MYRFL: variants seen among roughly 807,000 people sequenced by gnomAD.
MYRFL encodes the protein myelin regulatory factor-like protein.
Under a neutral mutation model 109.4 loss-of-function variants are expected in MYRFL, and 88 were observed. The observed-to-expected ratio is 0.80, with a 90% CI of 0.68 to 0.96. The LOEUF (loss-of-function observed/expected upper bound fraction) is 0.96. Ranked by LOEUF, MYRFL falls within the 40% of genes least tolerant of loss-of-function variation. MYRFL has a pLI of 0.00. For missense variants in MYRFL, 957 were observed against 954.9 expected, an observed-to-expected ratio of 1.00 and a Z score of -0.03; for synonymous variants, 324 against 320.9, an observed-to-expected ratio of 1.01 and a Z score of -0.10.
At chr12:69,929,933 A>T (rs1955217839) in intron 15 of MYRFL, among the ~76,000 whole-genome samples, 1 of 152,248 alleles carries the variant, frequency 6.6e-6, no homozygotes, top group South Asian at 2.1e-4. Flanking sequence ...GCACATAGAA[A>T]GTGCTGCATA....
Position 69,903,844 on chromosome 12 carries a change from G to A in MYRFL, c.1383G>A (p.Glu461=), listed in dbSNP as rs774550227. The change falls in exon 11 of 25, where the codon GAG becomes GAA. Residue 461 remains glutamate, a splice_region_variant and synonymous_variant. Transcript: ENST00000552032. The part of the protein sequence containing the change: ...SDSRAKQNIQ[E]VDTNEQLKRI... ...GCCGGGCAAAGCAGAATATCCAGGA[G>A]GTGAGCACAGATTCAGGCCCTGGGC... 7.1e-5 allele frequency: 108 copies of A among 1,524,636 alleles called. No individual in the cohort carries two copies. In the East Asian group the frequency reaches 2.6e-3, roughly 37 times the overall value. The allele number at this position is 1,524,636 out of a possible 1,614,324, so 94.4% of individuals were successfully genotyped here. A position where few individuals can be genotyped will look rare whatever the true frequency, so the allele number is the denominator to read the frequency against.
intron 5 of MYRFL, among the ~76,000 whole-genome samples, 183 bp from the exon 6 acceptor site, chr12:69,886,637 C>A (rs1270498366): frequency 6.6e-6 from 1 of 152,026 alleles, no homozygotes; most frequent in Non-Finnish European, 1.5e-5. Context: ...CAACGCTGAC[C>A]CCAGGCTGCT....
intron 2 of MYRFL, 104 bp downstream of exon 2, chr12:69,855,474 G>T: frequency 1.6e-6 from 1 of 607,098 alleles, no homozygotes; most frequent in Non-Finnish European, 3.0e-6. Flanking sequence ...AAAATAACTT[G>T]GGTAGAGTTG....
At chr12:69,892,073 A>G (rs1467576444) in intron 7 of MYRFL, among the ~76,000 whole-genome samples, 1 of 152,186 alleles carries the variant, frequency 6.6e-6, no homozygotes, top group Non-Finnish European at 1.5e-5. Context: ...CAATTCTTTT[A>G]CTAAATGTAT....
intron 11 of MYRFL, among the ~76,000 whole-genome samples, chr12:69,907,690 A>C (rs1490964223): frequency 6.6e-6 from 1 of 152,182 alleles, no homozygotes; most frequent in Non-Finnish European, 1.5e-5. Context: ...TTTTCCATCA[A>C]AAATTTTAGG....
intron 1 of MYRFL, among the ~76,000 whole-genome samples, chr12:69,832,537 A>G (rs1882692999): frequency 6.6e-6 from 1 of 152,176 alleles, no homozygotes; most frequent in Non-Finnish European, 1.5e-5. Flanking sequence ...TACTTGAGCT[A>G]AGACAATCAG....
At chr12:69,856,056 T>G (rs1178391633) in intron 2 of MYRFL, among the ~76,000 whole-genome samples, 2 of 152,136 alleles carry the variant, frequency 1.3e-5, no homozygotes, top group East Asian at 1.9e-4. Context: ...ACTGAAAAAT[T>G]TCCCTATGCC....
chr12:69,926,860 G>A (rs1010118068), intron 14 of MYRFL, 126 bp downstream of exon 14: 10 of 825,064 alleles, frequency 1.2e-5, no homozygotes, highest in African/African-American at 1.8e-5. Context: ...AATGAAGTCT[G>A]CATTTTTCTT....
chr12:69,929,996 G>T (rs1021762780), intron 15 of MYRFL, among the ~76,000 whole-genome samples: 8 of 152,214 alleles, frequency 5.3e-5, no homozygotes, highest in Admixed American at 2.6e-4. Context: ...TCTCATTTCA[G>T]ACTTGTCCAG....
chr12:69,917,383 C>CT lies in MYRFL; in HGVS notation c.1602+6476dup, dbSNP rs56118035. On this transcript the variant is annotated intron_variant, in intron 13 of 24. Coordinates refer to ENST00000552032, the MANE Select transcript of MYRFL (RefSeq NM_182530.3). ...TGAAATCATCTTGTTTATTCACTGA[C>CT]TTTTTTTTTTTTTTTTTTTTTTTGC... Among the ~76,000 whole-genome samples, 1,018 of 102,474 alleles carry CT rather than the reference C, an allele frequency of 9.9e-3. 41 individuals carry two copies. The highest frequency in any genetic ancestry group is 0.025 in the African/African-American group (682 of 26,766). 67.2% of individuals were successfully genotyped at this position (102,474 alleles called of 152,430 possible).
chr12:69,912,338 C>T (rs1240277), intron 13 of MYRFL, among the ~76,000 whole-genome samples: 57,520 of 152,054 alleles, frequency 0.38, 12,035 homozygotes, highest in East Asian at 0.71. Flanking sequence ...TTATCTTAAC[C>T]ATTTTTAAGC....
At chr12:69,925,809 T>G (rs1955057004) in intron 13 of MYRFL, among the ~76,000 whole-genome samples, 1 of 152,180 alleles carries the variant, frequency 6.6e-6, no homozygotes, top group African/African-American at 2.4e-5. Context: ...TTAGTTAGGC[T>G]ACAATATAAG....
chr12:69,846,913 CATT>C (rs1450874925), intron 1 of MYRFL, among the ~76,000 whole-genome samples: 1 of 151,784 alleles, frequency 6.6e-6, no homozygotes, highest in Non-Finnish European at 1.5e-5. Context: ...GATGGTATCT[CATT>C]GTGGTTTTGA....
Position 69,958,330 on chromosome 12 carries a change from T to TG in MYRFL, c.2646+7_2646+8insG, listed in dbSNP as rs1324633008. 6.5e-7 allele frequency: 1 copy of TG among 1,534,818 alleles called. No homozygotes were observed. Among genetic ancestry groups the TG allele is most frequent in the Non-Finnish European group, 8.7e-7 (1 of 1,146,512 alleles). On this transcript the variant is annotated splice_region_variant and intron_variant, in intron 24 of 24. Coordinates refer to ENST00000552032, the MANE Select transcript of MYRFL (RefSeq NM_182530.3). ...TTTCCGTGTAGCTGCACCGGTAAGCTTGCTTTTTCTTTTTCTTTTCAGTGA... is the reference window on the plus strand; with the variant it reads ...TTTCCGTGTAGCTGCACCGGTAAGCTGTGCTTTTTCTTTTTCTTTTCAGTGA...
rs1380660420 is a variant in MYRFL at position 69,959,090 on chromosome 12, A to T, written c.*559A>T. On this transcript the variant is annotated 3_prime_UTR_variant, in exon 25 of 25. Coordinates refer to ENST00000552032, the MANE Select transcript of MYRFL (RefSeq NM_182530.3). The stretch of plus-strand genomic sequence containing the variant: ...AGTTTGTTAATCAAATGGATTTAAG[A>T]GAAATAATTGCAACTCTGCTTTGCA... The T allele has an allele frequency of 6.5e-6, 1 of 153,286 alleles. No individual in the cohort carries two copies. The highest frequency in any genetic ancestry group is 1.9e-4 in the East Asian group (1 of 5,242). The allele number at this position is 153,286 out of a possible 1,614,324, so 9.5% of individuals were successfully genotyped here.
chr12:69,885,515 T>C (rs1414474062), intron 5 of MYRFL, among the ~76,000 whole-genome samples: 1 of 152,196 alleles, frequency 6.6e-6, no homozygotes, highest in Non-Finnish European at 1.5e-5. Flanking sequence ...TGTACATTGT[T>C]ACTGAGAGCC....
chr12:69,930,652 C>G (rs1270837884), intron 15 of MYRFL, among the ~76,000 whole-genome samples: 2 of 151,848 alleles, frequency 1.3e-5, no homozygotes, highest in African/African-American at 4.8e-5. Context: ...GACCCCATAG[C>G]TACAAAAAAT....
chr12:69,838,863 C>A (rs746749401), intron 1 of MYRFL, among the ~76,000 whole-genome samples: 26 of 152,318 alleles, frequency 1.7e-4, no homozygotes, highest in Non-Finnish European at 3.2e-4. Flanking sequence ...AATACTTTTA[C>A]CATGATAGAG....
intron 1 of MYRFL, among the ~76,000 whole-genome samples, chr12:69,853,317 A>C (rs1437171561): frequency 6.6e-6 from 1 of 151,404 alleles, no homozygotes; most frequent in African/African-American, 2.4e-5. Flanking sequence ...CACTTCCCGG[A>C]CGGGGTGGCT....
Sources: allele counts gnomAD v4.1 joint callset (sites outside exome capture counted in the v4.1 genomes callset), GRCh38; gene constraint gnomAD v4.1.1; transcripts MANE v1.5; gene names NCBI Gene and HGNC (gene_info 2026-07-23, HGNC 2026-07-21).